HMGCLL1: variants seen among roughly 807,000 people sequenced by gnomAD.
HMGCLL1 encodes the protein 3-hydroxy-3-methylglutaryl-CoA lyase like 1.
HMGCLL1 carries 36 observed loss-of-function variants against 39.1 expected under a neutral mutation model. The observed-to-expected ratio is 0.92, with a 90% confidence interval of 0.71 to 1.22. The LOEUF is 1.22. HMGCLL1 is among the 50% of genes most tolerant of loss of function. HMGCLL1 has a pLI of 0.00. For synonymous variants in HMGCLL1, 149 were observed against 144.0 expected (o/e 1.03, Z -0.25); for missense variants, 451 against 416.5 (o/e 1.08, Z -0.72).
At chr6:55,519,987 A>G (rs1767953319) in intron 3 of HMGCLL1, among the ~76,000 whole-genome samples, 1 of 151,652 alleles carries the variant, frequency 6.6e-6, no homozygotes, top group Admixed American at 6.6e-5. Context: ...TAGATGTTTC[A>G]ATCAATAGAT....
chr6:55,525,097 A>G (rs1768248300), intron 3 of HMGCLL1, among the ~76,000 whole-genome samples: 1 of 151,878 alleles, frequency 6.6e-6, no homozygotes, highest in Non-Finnish European at 1.5e-5. Flanking sequence ...CCTCATCATC[A>G]TTCAAAGACA....
chr6:55,630,921 A>G, the HMGCLL1 span, among the ~76,000 whole-genome samples: 2 of 152,106 alleles, frequency 1.3e-5, no homozygotes, highest in Admixed American at 1.3e-4. Flanking sequence ...CAGCATGAGA[A>G]CAGACTAAAT....
the HMGCLL1 span, among the ~76,000 whole-genome samples, chr6:55,633,546 T>C: frequency 1.3e-5 from 2 of 151,380 alleles, no homozygotes; most frequent in African/African-American, 4.8e-5. Context: ...CAGAAAAAAA[T>C]TTTCTGCATA....
chr6:55,631,580 T>C, the HMGCLL1 span, among the ~76,000 whole-genome samples: 1 of 152,042 alleles, frequency 6.6e-6, no homozygotes. Flanking sequence ...ATATTTGCAT[T>C]TTTCATTAAG....
intron 1 of HMGCLL1, among the ~76,000 whole-genome samples, chr6:55,574,177 T>C (rs374819698): frequency 2.5e-4 from 38 of 151,880 alleles, no homozygotes; most frequent in African/African-American, 8.4e-4. Flanking sequence ...AAAGAAAAAC[T>C]GAAAAAAATC....
intron 3 of HMGCLL1, among the ~76,000 whole-genome samples, chr6:55,528,157 C>G (rs7743010): frequency 0.37 from 56,687 of 151,510 alleles, 12,020 homozygotes; most frequent in East Asian, 0.48. Flanking sequence ...TCAAAATGAG[C>G]GGATAATGTC....
At chr6:55,543,582 ATT>A (rs1561951868) in intron 1 of HMGCLL1, among the ~76,000 whole-genome samples, 5 of 97,538 alleles carry the variant, frequency 5.1e-5, no homozygotes, top group South Asian at 5.9e-4. Flanking sequence ...ATATTTATAT[ATT>A]TATATATATA....
chr6:55,615,449 A>G, the HMGCLL1 span, among the ~76,000 whole-genome samples: 2 of 152,300 alleles, frequency 1.3e-5, no homozygotes, highest in African/African-American at 4.8e-5. Flanking sequence ...TATAAAATGT[A>G]CTTGCAGGTG....
chr6:55,668,287 G>A, the HMGCLL1 span, among the ~76,000 whole-genome samples: 1 of 151,900 alleles, frequency 6.6e-6, no homozygotes, highest in Non-Finnish European at 1.5e-5. Flanking sequence ...ATCTGTGACA[G>A]GGTTAACAGA....
the HMGCLL1 span, among the ~76,000 whole-genome samples, chr6:55,592,749 A>G: frequency 4.9e-3 from 744 of 152,198 alleles, 8 homozygotes; most frequent in African/African-American, 0.017. Flanking sequence ...TTTCAAGTGC[A>G]GTTCTAAATA....
intron 1 of HMGCLL1, chr6:55,566,575 AG>A (rs1340174536): frequency 2.2e-6 from 1 of 455,714 alleles, no homozygotes; most frequent in Non-Finnish European, 4.4e-6. Context: ...GCAACAGAGA[AG>A]CTGCTTAACC....
At chr6:55,449,689 AT>A (rs1763998304) in intron 7 of HMGCLL1, among the ~76,000 whole-genome samples, 2 of 151,968 alleles carry the variant, frequency 1.3e-5, no homozygotes, top group Admixed American at 1.3e-4. Context: ...ACGTTTTACG[AT>A]TTTATTGGAT....
At position 55,504,786 on chromosome 6, in the gene HMGCLL1, A is replaced by T. The variant is rs376813066; in HGVS notation, c.543-5487T>A. Among the ~76,000 whole-genome samples, 9 of 151,806 alleles carry T rather than the reference A, an allele frequency of 5.9e-5. No individual in the cohort carries two copies. The East Asian group carries it at 1.2e-3, about 20-fold the overall frequency. On this transcript the variant is annotated intron_variant, in intron 5 of 8. Coordinates refer to ENST00000274901, the MANE Select transcript of HMGCLL1 (RefSeq NM_001042406.2). ...TATTTCTTGTATGAATTAATACACA[A>T]ATACGTTAGTTAAAATGTCATTTTT... is the stretch of plus-strand genomic sequence containing the variant.
intron 7 of HMGCLL1, among the ~76,000 whole-genome samples, chr6:55,471,755 A>G (rs1487731356): frequency 6.6e-6 from 1 of 151,654 alleles, no homozygotes; most frequent in Non-Finnish European, 1.5e-5. Context: ...ATACAGATCA[A>G]TAAATGTTCA....
chr6:55,604,038 G>C, the HMGCLL1 span, among the ~76,000 whole-genome samples: 7,245 of 152,212 alleles, frequency 0.048, 359 homozygotes, highest in East Asian at 0.24. Flanking sequence ...GGAGAGTCTG[G>C]TGGGGAGAAA....
intron 7 of HMGCLL1, among the ~76,000 whole-genome samples, chr6:55,494,948 C>A (rs2127423157): frequency 6.6e-6 from 1 of 152,186 alleles, no homozygotes; most frequent in East Asian, 1.9e-4. Flanking sequence ...GTAAGCTTGC[C>A]AACCTCAAGA....
chr6:55,543,429 CATATATCATATATGATATATATG>C (rs1769709942), intron 1 of HMGCLL1, among the ~76,000 whole-genome samples: 1 of 55,056 alleles, frequency 1.8e-5, no homozygotes, highest in South Asian at 5.7e-4. Flanking sequence ...TGATATATAT[CATATATCATATATGATATATATG>C]ATATATATCA....
At chr6:55,493,884 C>A (rs890001750) in intron 7 of HMGCLL1, among the ~76,000 whole-genome samples, 1 of 152,082 alleles carries the variant, frequency 6.6e-6, no homozygotes, top group African/African-American at 2.4e-5. Context: ...AGGCGCCCAC[C>A]ACCACGCCTG....
chr6:55,639,474 T>G, the HMGCLL1 span, among the ~76,000 whole-genome samples: 1 of 151,614 alleles, frequency 6.6e-6, no homozygotes, highest in Admixed American at 6.6e-5. Flanking sequence ...CTTGTCTTTC[T>G]GGAGCTAAAA....
Sources: allele counts gnomAD v4.1 joint callset (sites outside exome capture counted in the v4.1 genomes callset), GRCh38; gene constraint gnomAD v4.1.1; transcripts MANE v1.5; gene names NCBI Gene and HGNC (gene_info 2026-07-23, HGNC 2026-07-21).